Variants in KALRN observed in about 807,000 individuals in gnomAD.
KALRN encodes the protein kalirin.
Under a neutral mutation model 353.7 loss-of-function variants are expected in KALRN, and 70 were observed. The ratio of observed to expected loss-of-function variants is 0.20; its 90% confidence interval spans 0.16 to 0.24. The LOEUF is 0.24. Among genes scored for constraint, KALRN ranks in the 10% least tolerant of loss-of-function variants. The pLI, the probability that KALRN is intolerant of heterozygous loss-of-function variation, is 1.00. For missense variants in KALRN, 2,791 were observed against 3,756.7 expected, an observed-to-expected ratio of 0.74 and a Z score of 6.72; for synonymous variants, 1,391 against 1,434.8, an observed-to-expected ratio of 0.97 and a Z score of 0.69.
intron 3 of KALRN, among the ~76,000 whole-genome samples, chr3:124,256,718 G>A (rs35301510): frequency 0.28 from 42,965 of 152,056 alleles, 7,347 homozygotes; most frequent in Non-Finnish European, 0.37. Context: ...GTCAGGAGAT[G>A]ACTCTGTGGG....
intron 15 of KALRN, among the ~76,000 whole-genome samples, chr3:124,426,551 C>G (rs1359357671): frequency 6.6e-6 from 1 of 152,144 alleles, no homozygotes; most frequent in Admixed American, 6.5e-5. Context: ...AGACGTTAGA[C>G]TAAAAATTAT....
chr3:124,249,835 A>T (rs1344664766), intron 3 of KALRN, among the ~76,000 whole-genome samples: 1 of 151,646 alleles, frequency 6.6e-6, no homozygotes, highest in Non-Finnish European at 1.5e-5. Flanking sequence ...GGGCTCCCCG[A>T]CTCCAGCTCT....
At chr3:124,094,760 T>A in intron 1 of KALRN, 1 of 1,255,952 alleles carries the variant, frequency 8.0e-7, no homozygotes. Context: ...GTCAAGTGAT[T>A]CCGGCCTCCT....
intron 45 of KALRN, among the ~76,000 whole-genome samples, chr3:124,663,976 TG>T (rs1407021150): frequency 1.3e-5 from 2 of 152,178 alleles, no homozygotes; most frequent in African/African-American, 4.8e-5. Context: ...AGGAACTATG[TG>T]GATGGTTTTC....
intron 1 of KALRN, among the ~76,000 whole-genome samples, chr3:124,221,003 G>C (rs919642110): frequency 6.6e-6 from 1 of 152,220 alleles, no homozygotes; most frequent in Non-Finnish European, 1.5e-5. Context: ...GCCCCTTGCT[G>C]TATGTAGCAC....
intron 2 of KALRN, among the ~76,000 whole-genome samples, chr3:124,230,116 G>A (rs184254416): frequency 5.6e-4 from 85 of 152,332 alleles, no homozygotes; most frequent in South Asian, 1.2e-3. Flanking sequence ...GCTGATCCCC[G>A]TAGCCTGGGC....
At chr3:124,381,181 T>C (rs2087318006) in intron 10 of KALRN, among the ~76,000 whole-genome samples, 2 of 152,138 alleles carry the variant, frequency 1.3e-5, no homozygotes, top group South Asian at 4.1e-4. Flanking sequence ...GAAGAAGCAA[T>C]GCCCTTGCTG....
At position 124,413,916 on chromosome 3, in the gene KALRN, G is replaced by A. The variant is rs191033713; in HGVS notation, c.2542+251G>A. Among the ~76,000 whole-genome samples the A allele has an allele frequency of 2.8e-3, 428 of 152,142 alleles. 9 individuals are homozygous for A. The highest frequency in any genetic ancestry group is 0.025 in the Admixed American group (377 of 15,272). ...AGGTCAGGAGTTCGAGAGCAGCCTG[G>A]CCAACATGGTGAAACCCCTTCTCTA... On this transcript the variant is annotated intron_variant, in intron 14 of 59. Coordinates refer to ENST00000682506, the MANE Select transcript of KALRN (RefSeq NM_001388419.1).
chr3:124,584,669 G>A, intron 34 of KALRN: 1 of 1,422,758 alleles, frequency 7.0e-7, no homozygotes, highest in Non-Finnish European at 9.1e-7. Flanking sequence ...GTGGCTCCCA[G>A]TAAGTCAGAG....
intron 34 of KALRN, 118 bp downstream of exon 34, chr3:124,563,207 G>A: frequency 9.1e-7 from 1 of 1,093,840 alleles, no homozygotes; most frequent in African/African-American, 1.6e-5. Flanking sequence ...TACCCTGTGG[G>A]GTTTCTTTGG....
At chr3:124,695,984 A>G in intron 53 of KALRN, 150 bp from the exon 54 acceptor site, 1 of 680,068 alleles carries the variant, frequency 1.5e-6, no homozygotes, top group Non-Finnish European at 2.5e-6. Flanking sequence ...ATGTAGAGAA[A>G]CAGGGTGGTA....
intron 25 of KALRN, among the ~76,000 whole-genome samples, chr3:124,469,936 CAG>C (rs1387235662): frequency 6.6e-6 from 1 of 152,194 alleles, no homozygotes; most frequent in Non-Finnish European, 1.5e-5. Flanking sequence ...GAGAGAATAA[CAG>C]AACCAGTCCA....
intron 37 of KALRN, among the ~76,000 whole-genome samples, chr3:124,646,189 T>C (rs116009364): frequency 6.6e-6 from 1 of 152,016 alleles, no homozygotes; most frequent in Non-Finnish European, 1.5e-5. Context: ...TCTTCCCAAG[T>C]TACATAGCAT....
chr3:124,100,986 A>G (rs2061816205), intron 1 of KALRN, among the ~76,000 whole-genome samples: 1 of 152,242 alleles, frequency 6.6e-6, no homozygotes, highest in African/African-American at 2.4e-5. Context: ...ACTCTGTTGC[A>G]AAATAACAAA....
intron 7 of KALRN, among the ~76,000 whole-genome samples, chr3:124,327,780 G>T (rs1422086481): frequency 6.6e-6 from 1 of 152,088 alleles, no homozygotes; most frequent in African/African-American, 2.4e-5. Flanking sequence ...TCAGACACCT[G>T]GTCACACCTT....
chr3:124,134,729 G>A (rs1315609634), intron 1 of KALRN, among the ~76,000 whole-genome samples: 2 of 151,984 alleles, frequency 1.3e-5, no homozygotes, highest in Admixed American at 1.3e-4. Context: ...ATGAATAGAC[G>A]ATTCTCAAAA....
At chr3:124,462,272 C>A (rs1304312334) in intron 24 of KALRN, among the ~76,000 whole-genome samples, 1 of 152,210 alleles carries the variant, frequency 6.6e-6, no homozygotes, top group Non-Finnish European at 1.5e-5. Context: ...TGCATCCTGA[C>A]CCCCATAAAA....
chr3:124,270,971 A>G (rs2074103468), intron 5 of KALRN, among the ~76,000 whole-genome samples: 1 of 151,820 alleles, frequency 6.6e-6, no homozygotes, highest in Non-Finnish European at 1.5e-5. Flanking sequence ...CTGGGATTAC[A>G]GGTGCCTGCC....
At position 124,446,626 on chromosome 3, in the gene KALRN, G is replaced by A. The variant is rs570179349; in HGVS notation, c.3430-137G>A. 83 of 1,089,534 alleles carry A rather than the reference G, an allele frequency of 7.6e-5. No homozygotes were observed. The Middle Eastern group carries it at 2.4e-3, about 31-fold the overall frequency. The allele number at this position is 1,089,534 out of a possible 1,614,324, so 67.5% of individuals were successfully genotyped here. On this transcript the variant is annotated intron_variant, in intron 20 of 59. Coordinates refer to ENST00000682506, the MANE Select transcript of KALRN (RefSeq NM_001388419.1). ...GGCTCATTCATAAAAAAAAACTCCAGAGCTACATACCAATCAAATTGTCAG... is the reference window on the plus strand; with the variant it reads ...GGCTCATTCATAAAAAAAAACTCCAAAGCTACATACCAATCAAATTGTCAG...
Sources: allele counts gnomAD v4.1 joint callset (sites outside exome capture counted in the v4.1 genomes callset), GRCh38; gene constraint gnomAD v4.1.1; transcripts MANE v1.5; gene names NCBI Gene and HGNC (gene_info 2026-07-23, HGNC 2026-07-21).